The following VPS52 variants were observed in gnomAD, a reference collection of about 807,000 sequenced individuals.
The protein encoded by VPS52 is vacuolar protein sorting-associated protein 52 homolog.
VPS52 carries 56 observed loss-of-function variants against 98.7 expected under a neutral mutation model. The observed-to-expected ratio is 0.57, with a 90% CI of 0.46 to 0.71. The LOEUF (loss-of-function observed/expected upper bound fraction) is 0.71. Among genes scored for constraint, VPS52 ranks in the 30% least tolerant of loss-of-function variants. The pLI is 0.00. For missense variants in VPS52, 742 were observed against 925.9 expected (o/e 0.80, Z 2.58); for synonymous variants, 348 against 346.4 (o/e 1.00, Z -0.05).
intron 17 of VPS52, among the ~76,000 whole-genome samples, chr6:33,256,856 G>A (rs1010017252): frequency 6.0e-4 from 75 of 124,948 alleles, no homozygotes; most frequent in East Asian, 1.1e-3. Context: ...AAAAAAAAAA[G>A]AAAAGAAAAA....
At chr6:33,256,866 AAAAAG>A (rs1379939517) in intron 17 of VPS52, among the ~76,000 whole-genome samples, 65 of 151,472 alleles carry the variant, frequency 4.3e-4, no homozygotes, top group African/African-American at 1.5e-3. Flanking sequence ...GAAAAGAAAA[AAAAAG>A]AAAAGAAAAA....
Position 33,264,374 on chromosome 6 carries a change from A to G in VPS52, c.1524T>C (p.Tyr508=). 1 of 1,613,914 alleles carries G rather than the reference A, an allele frequency of 6.2e-7. No homozygotes were observed. Among genetic ancestry groups the G allele is most frequent in the South Asian group, 1.1e-5 (1 of 91,072 alleles). The stretch of plus-strand genomic sequence containing the variant: ...CTTTGTTACCCTTGCCCTCCCTCAC[A>G]TAGTGGGGCCGAGTATCCAACCCCC... ...RLGGLDTRPH[Y]ITRRYAEFSS... The change falls in exon 14 of 20, where the codon TAT becomes TAC. Residue 508 remains tyrosine, a splice_region_variant and synonymous_variant. Transcript: ENST00000445902.
At chr6:33,255,888 C>G (rs1762890230) in intron 17 of VPS52, among the ~76,000 whole-genome samples, 1 of 151,928 alleles carries the variant, frequency 6.6e-6, no homozygotes, top group African/African-American at 2.4e-5. Context: ...GAGATTCTCC[C>G]ATCTCAGCAT....
chr6:33,261,330 G>A (rs568176246), intron 17 of VPS52, among the ~76,000 whole-genome samples: 1 of 151,880 alleles, frequency 6.6e-6, no homozygotes, highest in South Asian at 2.1e-4. Flanking sequence ...AGCCCGGCGT[G>A]GTGGCAGGCA....
intron 17 of VPS52, among the ~76,000 whole-genome samples, chr6:33,261,192 G>A (rs947039846): frequency 8.6e-5 from 13 of 152,036 alleles, no homozygotes; most frequent in Admixed American, 1.3e-4. Context: ...TCTTGGTCAG[G>A]CACGGTAGCT....
chr6:33,270,019 C>T lies in VPS52; in HGVS notation c.208G>A (p.Val70Ile). ...HIQANLEDEL[V>I]KEALKTGVDL... is the part of the protein sequence containing the mutation. ...CTCACCGTTTTAAGAGCTTCCTTTA[C>T]TAACTCATCCTCCAGATTTGCCTGA... is the stretch of plus-strand genomic sequence containing the variant. The change falls in exon 3 of 20, where the codon GTA (valine) becomes ATA (isoleucine). Residue 70 changes from valine (V) to isoleucine (I), a missense_variant. Val to Ile is a conservative substitution (Grantham distance 29). Coordinates refer to ENST00000445902, the MANE Select transcript of VPS52 (RefSeq NM_022553.6). 6.2e-7 allele frequency: 1 copy of T among 1,614,176 alleles called. No homozygotes were observed. The highest frequency in any genetic ancestry group is 8.5e-7 in the Non-Finnish European group (1 of 1,180,042).
intron 1 of VPS52, 98 bp from the exon 2 acceptor site, chr6:33,270,381 T>C: frequency 8.8e-7 from 1 of 1,142,320 alleles, no homozygotes; most frequent in East Asian, 2.4e-5. Context: ...AAGGAGCTGC[T>C]TTTACTGGGA....
At position 33,251,969 on chromosome 6, in the gene VPS52, T is replaced by A; in HGVS notation, c.1797A>T (p.Glu599Asp). The A allele has an allele frequency of 6.2e-7, 1 of 1,612,966 alleles. No individual in the cohort carries two copies. The highest frequency in any genetic ancestry group is 8.5e-7 in the Non-Finnish European group (1 of 1,179,936). The part of the protein sequence containing the change: ...FQQLLNARTQ[E>D]FIEELLSPPF... ...GGGGAGACAGCAACTCTTCAATGAA[T>A]TCCTGGAAAGACACAAACACATATA... Residue 599 changes from glutamate to aspartate, a missense_variant and splice_region_variant, in exon 18 of 20, where the codon GAA becomes GAT. Coordinates refer to ENST00000445902, the MANE Select transcript of VPS52 (RefSeq NM_022553.6).
At chr6:33,257,513 C>T (rs1342307723) in intron 17 of VPS52, among the ~76,000 whole-genome samples, 1 of 152,098 alleles carries the variant, frequency 6.6e-6, no homozygotes, top group Admixed American at 6.5e-5. Context: ...ATTCTCCTGC[C>T]TCAGCCTCAT....
chr6:33,255,219 C>G (rs1424765591), intron 17 of VPS52, among the ~76,000 whole-genome samples: 1 of 152,060 alleles, frequency 6.6e-6, no homozygotes, highest in East Asian at 1.9e-4. Flanking sequence ...CCAGAGGAAA[C>G]AGTGCACTGG....
chr6:33,269,626 A>C (rs1764754210), intron 4 of VPS52, 69 bp from the exon 5 acceptor site: 1 of 1,579,414 alleles, frequency 6.3e-7, no homozygotes. Context: ...GTACCTCTCC[A>C]ATTTCTCTTT....
chr6:33,251,593 T>C lies in VPS52; in HGVS notation c.1950A>G (p.Lys650=). The C allele has an allele frequency of 6.2e-6, 10 of 1,614,002 alleles. No individual in the cohort carries two copies. Among genetic ancestry groups the C allele is most frequent in the Non-Finnish European group, 7.6e-6 (9 of 1,179,994 alleles). ...QLIRGFGSSW[K]SSVESLSQDV... The stretch of plus-strand genomic sequence containing the variant: ...CCTGACTCAGAGATTCCACTGATGA[T>C]TTCCAGGAACTACCAAAGCCACGGA... The change falls in exon 19 of 20, where the codon AAA becomes AAG. Residue 650 remains lysine (K), a synonymous_variant. Coordinates refer to ENST00000445902, the MANE Select transcript of VPS52 (RefSeq NM_022553.6).
rs200730898 is a variant in VPS52, at chr6:33,268,491, C to T, written c.699+8G>A. ...GTAGCCTCCAGGGTATCCATCCCTA[C>T]TTCCCACCTTGACCCGGAGCCGATC... On this transcript the variant is annotated splice_region_variant and intron_variant, in intron 7 of 19. Coordinates refer to ENST00000445902, the MANE Select transcript of VPS52 (RefSeq NM_022553.6). This position sits in a 1 kb window ranked among gnomAD's most constrained non-coding sequence, Gnocchi z 4.0. 1.4e-3 allele frequency: 2,206 copies of T among 1,588,278 alleles called. 7 individuals are homozygous for T. The highest frequency in any genetic ancestry group is 7.4e-3 in the Middle Eastern group (44 of 5,938).
chr6:33,266,436 G>A, intron 12 of VPS52, 121 bp downstream of exon 12: 1 of 1,334,736 alleles, frequency 7.5e-7, no homozygotes. Context: ...CCCAGCCAAG[G>A]CTTAGACATT....
chr6:33,260,825 AC>A (rs1763541467), intron 17 of VPS52, among the ~76,000 whole-genome samples: 1 of 151,778 alleles, frequency 6.6e-6, no homozygotes, highest in Admixed American at 6.6e-5. Context: ...ACATGGTGAA[AC>A]CCCATCTCTA....
chr6:33,264,461 C>T lies in VPS52; in HGVS notation c.1437G>A (p.Arg479=). Residue 479 remains arginine (R), a synonymous_variant, in exon 14 of 20, where the codon CGG becomes CGA. Transcript: ENST00000445902. ...WEQVLALLWP[R]FELILEMNVQ... ...CATTCATCTCCAGGATCAGTTCAAA[C>T]CGTGGCCATAGCAAGGCAAGCACCT... The T allele has an allele frequency of 6.2e-7, 1 of 1,614,158 alleles. No individual in the cohort carries two copies.
Position 33,268,073 on chromosome 6 carries a change from A to G in VPS52, c.800+35T>C. 3 of 1,612,938 alleles carry G rather than the reference A, an allele frequency of 1.9e-6. No individual in the cohort carries two copies. The highest frequency in any genetic ancestry group is 2.5e-6 in the Non-Finnish European group (3 of 1,179,958). ...CCCACACTAGGCCGCTCAAAAACTC[A>G]AAGGCCATCCCATGCACTTCCTTGG... On this transcript the variant is annotated intron_variant, in intron 8 of 19. Coordinates refer to ENST00000445902, the MANE Select transcript of VPS52 (RefSeq NM_022553.6). The surrounding 1 kb of genome is among the most constrained non-coding windows in gnomAD (Gnocchi z 4.0).
At chr6:33,253,903 G>A (rs1415131993) in intron 17 of VPS52, among the ~76,000 whole-genome samples, 1 of 152,078 alleles carries the variant, frequency 6.6e-6, no homozygotes, top group Non-Finnish European at 1.5e-5. Flanking sequence ...AAAACTGTCC[G>A]TGAACTGCTA....
chr6:33,269,876 A>G, intron 3 of VPS52, 57 bp from the exon 4 acceptor site: 3 of 1,591,930 alleles, frequency 1.9e-6, no homozygotes, highest in Non-Finnish European at 1.7e-6. Context: ...GGACACTGTA[A>G]CAGAATCAGT....
Sources: allele counts gnomAD v4.1 joint callset (sites outside exome capture counted in the v4.1 genomes callset), GRCh38; gene constraint gnomAD v4.1.1; non-coding constraint Gnocchi (gnomAD v3.1); transcripts MANE v1.5; gene names NCBI Gene and HGNC (gene_info 2026-07-23, HGNC 2026-07-21).